Variants in NKAIN2 observed in about 807,000 individuals in gnomAD.
NKAIN2 encodes the protein sodium/potassium-transporting ATPase subunit beta-1-interacting protein 2.
In NKAIN2, 14 loss-of-function variants were observed where a neutral mutation model predicts 32.6. The observed-to-expected ratio is 0.43, with a 90% CI of 0.28 to 0.67. NKAIN2 has a LOEUF of 0.67. Ranked by LOEUF, NKAIN2 falls within the 30% of genes least tolerant of loss-of-function variation. NKAIN2 has a pLI of 0.17. For synonymous variants in NKAIN2, 80 were observed against 87.2 expected, an observed-to-expected ratio of 0.92 and a Z score of 0.46; for missense variants, 198 against 258.3, an observed-to-expected ratio of 0.77 and a Z score of 1.60.
intron 3 of NKAIN2, among the ~76,000 whole-genome samples, chr6:124,479,780 AT>A (rs35143452): frequency 0.32 from 48,542 of 151,766 alleles, 8,897 homozygotes; most frequent in African/African-American, 0.5. Context: ...CTGTTAGTGT[AT>A]TTTTTTTCAA....
At chr6:123,992,124 G>T (rs1238927787) in intron 1 of NKAIN2, among the ~76,000 whole-genome samples, 2 of 152,158 alleles carry the variant, frequency 1.3e-5, no homozygotes, top group Non-Finnish European at 2.9e-5. Context: ...GGAGGCTGTA[G>T]AGGCATGGAA....
chr6:124,286,755 C>T (rs1795572950), intron 2 of NKAIN2, among the ~76,000 whole-genome samples: 1 of 151,868 alleles, frequency 6.6e-6, no homozygotes, highest in African/African-American at 2.4e-5. Flanking sequence ...GGTCTCCGCT[C>T]ACTGCAAACT....
At chr6:124,100,255 A>C (rs1231217164) in intron 1 of NKAIN2, among the ~76,000 whole-genome samples, 1 of 152,218 alleles carries the variant, frequency 6.6e-6, no homozygotes, top group Non-Finnish European at 1.5e-5. Flanking sequence ...ACGAGTAATG[A>C]AGTTAGAAAG....
intron 1 of NKAIN2, among the ~76,000 whole-genome samples, chr6:124,096,448 C>G (rs1016051256): frequency 2.0e-5 from 3 of 152,160 alleles, no homozygotes; most frequent in African/African-American, 7.2e-5. Flanking sequence ...TACACTTAGG[C>G]TTTCCTAATT....
At chr6:124,816,161 A>G (rs1301110532) in intron 5 of NKAIN2, among the ~76,000 whole-genome samples, 1 of 152,176 alleles carries the variant, frequency 6.6e-6, no homozygotes, top group Non-Finnish European at 1.5e-5. Context: ...CATGCATATT[A>G]CTAGGTGAAA....
At chr6:124,216,117 C>CAAAA (rs1199794463) in intron 1 of NKAIN2, among the ~76,000 whole-genome samples, 1 of 63,902 alleles carries the variant, frequency 1.6e-5, no homozygotes, top group African/African-American at 5.2e-5. Flanking sequence ...AACTCTGTCT[C>CAAAA]AAAAAAAAAA....
At chr6:124,641,529 GCT>G (rs1783987758) in intron 3 of NKAIN2, among the ~76,000 whole-genome samples, 1 of 23,868 alleles carries the variant, frequency 4.2e-5, no homozygotes, top group African/African-American at 1.1e-4. Context: ...TAAAACACTA[GCT>G]TTTTTTTTTT....
intron 1 of NKAIN2, among the ~76,000 whole-genome samples, chr6:123,942,629 A>G (rs2114559043): frequency 6.6e-6 from 1 of 152,098 alleles, no homozygotes; most frequent in South Asian, 2.1e-4. Context: ...GAATGCGAGC[A>G]GTACTTATTG....
rs148025606 is a variant in NKAIN2, at chr6:124,451,510, G to T, written c.273+96163G>T. 3.2e-3 allele frequency among the ~76,000 whole-genome samples: 490 copies of T among 152,206 alleles called. 4 individuals are homozygous for T. Among genetic ancestry groups the T allele is most frequent in the African/African-American group, 0.011 (458 of 41,536 alleles). On this transcript the variant is annotated intron_variant, in intron 3 of 6. Transcript: ENST00000368417. ...ATCTGGAGTATTGTTTGCATTACTT[G>T]GTTTCCCATTTTCAGATAGTTATTC...
chr6:124,146,796 A>G (rs965693151), intron 1 of NKAIN2, among the ~76,000 whole-genome samples: 3 of 152,220 alleles, frequency 2.0e-5, no homozygotes, highest in African/African-American at 7.2e-5. Context: ...AAATCTGGCA[A>G]AACTAAATGC....
At chr6:124,570,131 G>C (rs1008956397) in intron 3 of NKAIN2, among the ~76,000 whole-genome samples, 1 of 152,140 alleles carries the variant, frequency 6.6e-6, no homozygotes, top group Non-Finnish European at 1.5e-5. Flanking sequence ...CGTTGATTTA[G>C]GGTACCTGGC....
chr6:124,489,534 G>T (rs1273720336), intron 3 of NKAIN2, among the ~76,000 whole-genome samples: 4 of 151,754 alleles, frequency 2.6e-5, no homozygotes, highest in African/African-American at 7.3e-5. Context: ...CCTTAAATGT[G>T]CTCAAAACAC....
chr6:124,227,521 CTCTTAAATTA>C (rs1792184411), intron 1 of NKAIN2, among the ~76,000 whole-genome samples: 1 of 152,132 alleles, frequency 6.6e-6, no homozygotes, highest in Non-Finnish European at 1.5e-5. Flanking sequence ...GATTCAAACA[CTCTTAAATTA>C]AAGGAGTGGT....
chr6:124,717,585 A>G (rs998442166), intron 4 of NKAIN2, among the ~76,000 whole-genome samples: 2 of 152,192 alleles, frequency 1.3e-5, no homozygotes, highest in African/African-American at 4.8e-5. Context: ...ATAATTCCAG[A>G]ATGACAATAA....
At chr6:123,957,499 A>G (rs2114602659) in intron 1 of NKAIN2, among the ~76,000 whole-genome samples, 1 of 152,324 alleles carries the variant, frequency 6.6e-6, no homozygotes, top group Middle Eastern at 3.4e-3. Context: ...GGGTATTTTC[A>G]ATTATTGTTA....
At chr6:124,445,134 A>G (rs1037158288) in intron 3 of NKAIN2, among the ~76,000 whole-genome samples, 1 of 152,084 alleles carries the variant, frequency 6.6e-6, no homozygotes, top group African/African-American at 2.4e-5. Context: ...GTAAAAAAGG[A>G]AAGTATAGAG....
chr6:124,187,918 A>G (rs181213776), intron 1 of NKAIN2, among the ~76,000 whole-genome samples: 8 of 152,278 alleles, frequency 5.3e-5, no homozygotes. Context: ...ATGTTATTCC[A>G]TAAGAATGAT....
intron 3 of NKAIN2, among the ~76,000 whole-genome samples, chr6:124,490,986 T>C (rs1777840666): frequency 6.6e-6 from 1 of 151,948 alleles, no homozygotes. Flanking sequence ...GTTGTTTTCA[T>C]TAGACACATA....
chr6:124,192,009 T>G (rs1790044929), intron 1 of NKAIN2, among the ~76,000 whole-genome samples: 1 of 151,256 alleles, frequency 6.6e-6, no homozygotes, highest in Admixed American at 6.6e-5. Flanking sequence ...ATTAGTCTTC[T>G]TAGGAGTTTA....
Sources: gnomAD v4.1 joint callset for allele counts (sites outside exome capture counted in the v4.1 genomes callset) on GRCh38, gnomAD v4.1.1 for gene constraint, MANE v1.5 for transcripts, NCBI Gene and HGNC (gene_info 2026-07-23, HGNC 2026-07-21) for gene names.